SKAP1: variants seen among roughly 807,000 people sequenced by gnomAD.
SKAP1 encodes the protein src kinase-associated phosphoprotein 1.
In SKAP1, 44 loss-of-function variants were observed where a neutral mutation model predicts 58.5. The observed-to-expected ratio is 0.75, with a 90% CI of 0.59 to 0.97. The LOEUF is 0.97. SKAP1 is among the 50% of genes least tolerant of loss of function. SKAP1 has a pLI of 0.00. For synonymous variants in SKAP1, 127 were observed against 149.7 expected (o/e 0.85, Z 1.11); for missense variants, 390 against 435.2 (o/e 0.90, Z 0.92).
chr17:48,400,812 T>C (rs2144546588), intron 1 of SKAP1, among the ~76,000 whole-genome samples: 1 of 151,922 alleles, frequency 6.6e-6, no homozygotes, highest in African/African-American at 2.4e-5. Flanking sequence ...ATTAAGCACT[T>C]ACGAATAAAT....
intron 2 of SKAP1, among the ~76,000 whole-genome samples, chr17:48,393,471 A>T (rs1234713487): frequency 1.3e-5 from 2 of 152,204 alleles, no homozygotes; most frequent in Non-Finnish European, 2.9e-5. Context: ...TTCTTGACAC[A>T]ATTGTCTTTT....
chr17:48,361,076 A>G (rs780209234), intron 3 of SKAP1, among the ~76,000 whole-genome samples: 2 of 45,702 alleles, frequency 4.4e-5, no homozygotes, highest in African/African-American at 8.6e-5. Flanking sequence ...GTACTGTACT[A>G]TACTATACTA....
chr17:48,329,575 C>T (rs2066479260), intron 4 of SKAP1, among the ~76,000 whole-genome samples: 1 of 152,184 alleles, frequency 6.6e-6, no homozygotes, highest in South Asian at 2.1e-4. Flanking sequence ...GGCGTGGCGG[C>T]AGGCGCCTGT....
At chr17:48,227,450 T>A (rs954226) in intron 4 of SKAP1, among the ~76,000 whole-genome samples, 80,657 of 152,014 alleles carry the variant, frequency 0.53, 23,170 homozygotes, top group East Asian at 0.77. Context: ...TCACTCAAGC[T>A]CCAGCTCAGT....
chr17:48,374,463 C>T (rs72827850), intron 2 of SKAP1, among the ~76,000 whole-genome samples: 3,403 of 152,244 alleles, frequency 0.022, 57 homozygotes, highest in East Asian at 0.053. Context: ...TGGCTGTCTC[C>T]AAACAGACTG....
intron 4 of SKAP1, among the ~76,000 whole-genome samples, chr17:48,331,440 C>A (rs2066505444): frequency 6.6e-6 from 1 of 152,134 alleles, no homozygotes; most frequent in African/African-American, 2.4e-5. Context: ...TGGCTCACAC[C>A]TGTAATCACA....
At chr17:48,146,732 G>T (rs2063837381) in intron 11 of SKAP1, among the ~76,000 whole-genome samples, 1 of 151,866 alleles carries the variant, frequency 6.6e-6, no homozygotes, top group South Asian at 2.1e-4. Context: ...GGGTTCAAGC[G>T]ATTCTCCTGC....
At chr17:48,196,004 C>T (rs2064623048) in intron 4 of SKAP1, among the ~76,000 whole-genome samples, 1 of 152,086 alleles carries the variant, frequency 6.6e-6, no homozygotes, top group Non-Finnish European at 1.5e-5. Flanking sequence ...AAAAATGGCC[C>T]CCCAAAACCC....
chr17:48,170,567 T>C, intron 10 of SKAP1, 42 bp downstream of exon 10: 14 of 1,554,690 alleles, frequency 9.0e-6, no homozygotes, highest in Non-Finnish European at 1.2e-5. Flanking sequence ...CAGAAGCCCA[T>C]AATGTCCTAC....
chr17:48,321,522 C>A (rs566078174), intron 4 of SKAP1, among the ~76,000 whole-genome samples: 1 of 151,892 alleles, frequency 6.6e-6, no homozygotes, highest in South Asian at 2.1e-4. Flanking sequence ...GGACTACAGG[C>A]GCCTGCCGCC....
At chr17:48,305,499 A>G (rs753185972) in intron 4 of SKAP1, among the ~76,000 whole-genome samples, 17 of 152,358 alleles carry the variant, frequency 1.1e-4, no homozygotes, top group Admixed American at 8.5e-4. Flanking sequence ...GGCCCTTTAT[A>G]GAAAATGTTT....
intron 4 of SKAP1, among the ~76,000 whole-genome samples, chr17:48,249,927 A>C (rs996393067): frequency 6.6e-6 from 1 of 151,878 alleles, no homozygotes; most frequent in Non-Finnish European, 1.5e-5. Context: ...GTTACAGCTC[A>C]GAAGGGTAAG....
intron 4 of SKAP1, among the ~76,000 whole-genome samples, chr17:48,202,272 T>C (rs1300657344): frequency 6.6e-6 from 1 of 152,176 alleles, no homozygotes; most frequent in Non-Finnish European, 1.5e-5. Context: ...ATTATCGTGA[T>C]TCTCTGGGGG....
At chr17:48,220,883 G>GAAAA (rs34654148) in intron 4 of SKAP1, among the ~76,000 whole-genome samples, 1 of 93,062 alleles carries the variant, frequency 1.1e-5, no homozygotes, top group Non-Finnish European at 2.1e-5. Flanking sequence ...AAAAAGAAAA[G>GAAAA]AAAAAAAAAA....
intron 1 of SKAP1, among the ~76,000 whole-genome samples, chr17:48,403,027 T>C (rs2067520704): frequency 6.6e-6 from 1 of 152,122 alleles, no homozygotes; most frequent in Non-Finnish European, 1.5e-5. Context: ...GCCATTGAGT[T>C]GTATGCTTTA....
At chr17:48,335,149 A>G (rs2066552753) in intron 4 of SKAP1, among the ~76,000 whole-genome samples, 1 of 151,902 alleles carries the variant, frequency 6.6e-6, no homozygotes, top group Non-Finnish European at 1.5e-5. Flanking sequence ...GCAATATTTA[A>G]TATTAAAAAT....
chr17:48,418,219 G>T (rs1251375141), intron 1 of SKAP1, among the ~76,000 whole-genome samples: 1 of 152,194 alleles, frequency 6.6e-6, no homozygotes, highest in Non-Finnish European at 1.5e-5. Flanking sequence ...GAGCCTGGAA[G>T]ATTAAGGCTG....
intron 8 of SKAP1, among the ~76,000 whole-genome samples, chr17:48,180,995 C>G (rs1400238303): frequency 1.3e-5 from 2 of 152,034 alleles, no homozygotes; most frequent in African/African-American, 4.8e-5. Context: ...AATGTTCATT[C>G]TCTGATGTGT....
At chr17:48,158,579 A>AAAAAAAG (rs2064022431) in intron 11 of SKAP1, among the ~76,000 whole-genome samples, 3 of 149,294 alleles carry the variant, frequency 2.0e-5, no homozygotes, top group Non-Finnish European at 3.0e-5. Context: ...AAAAAAAAAA[A>AAAAAAAG]AAAAAGAAAA....
Sources: allele counts gnomAD v4.1 joint callset (sites outside exome capture counted in the v4.1 genomes callset), GRCh38; gene constraint gnomAD v4.1.1; transcripts MANE v1.5; gene names NCBI Gene and HGNC (gene_info 2026-07-23, HGNC 2026-07-21).